KCNH2: variants seen among roughly 807,000 people sequenced by gnomAD.
The protein encoded by KCNH2 is voltage-gated inwardly rectifying potassium channel KCNH2.
In KCNH2, 35 loss-of-function variants were observed where a neutral mutation model predicts 95.9. The ratio of observed to expected loss-of-function variants is 0.37; its 90% confidence interval spans 0.28 to 0.48. KCNH2 has a LOEUF of 0.48. Ranked by LOEUF, KCNH2 falls within the 20% of genes least tolerant of loss-of-function variation. The pLI is 0.99. For synonymous variants in KCNH2, 786 were observed against 754.7 expected, an observed-to-expected ratio of 1.04 and a Z score of -0.68; for missense variants, 1,274 against 1,702.9, an observed-to-expected ratio of 0.75 and a Z score of 4.43.
chr7:150,964,138 T>A (rs908281402), intron 2 of KCNH2, among the ~76,000 whole-genome samples: 1 of 152,144 alleles, frequency 6.6e-6, no homozygotes, highest in African/African-American at 2.4e-5. Context: ...ATCTCCCATG[T>A]CAGCACCAGG....
chr7:150,950,220 G>A lies in KCNH2; in HGVS notation c.2346C>T (p.Ile782=). The A allele has an allele frequency of 2.5e-6, 4 of 1,613,068 alleles. No individual in the cohort carries two copies. Among genetic ancestry groups the A allele is most frequent in the South Asian group, 2.2e-5 (2 of 91,018 alleles). ...AGDLLTALYF[I]SRGSIEILRG... The stretch of plus-strand genomic sequence containing the variant: ...GCAGGATCTCGATGGAGCCCCGGGA[G>A]ATGAAGTACAGGGCGGTGAGCAGGT... Residue 782 remains isoleucine, a synonymous_variant, in exon 9 of 15, where the codon ATC becomes ATT. Transcript: ENST00000262186.
intron 4 of KCNH2, 136 bp from the exon 5 acceptor site, chr7:150,957,638 A>G (rs1801421727): frequency 2.8e-6 from 2 of 720,920 alleles, no homozygotes; most frequent in Admixed American, 4.0e-5. Flanking sequence ...CAGGGGAGTC[A>G]CAAGAAACAA....
At chr7:150,966,771 C>T (rs1006541559) in intron 2 of KCNH2, among the ~76,000 whole-genome samples, 2 of 152,188 alleles carry the variant, frequency 1.3e-5, no homozygotes, top group African/African-American at 4.8e-5. Flanking sequence ...CACAAGAACC[C>T]TGTTGGAGTC....
At position 150,946,747 on chromosome 7, in the gene KCNH2, G is replaced by A. The variant is rs926461146; in HGVS notation, c.3330+130C>T. 25 of 837,596 alleles carry A rather than the reference G, an allele frequency of 3.0e-5. No homozygotes were observed. Among genetic ancestry groups the A allele is most frequent in the Non-Finnish European group, 3.9e-5 (21 of 534,496 alleles). The allele number at this position is 837,596 out of a possible 1,614,324, so 51.9% of individuals were successfully genotyped here. A position where few individuals can be genotyped will look rare whatever the true frequency, so the allele number is the denominator to read the frequency against. On this transcript the variant is annotated intron_variant, in intron 14 of 14. Transcript: ENST00000262186. The surrounding 1 kb of genome is among the most constrained non-coding windows in gnomAD (Gnocchi z 6.5). ...CCTTCCTCCAGGAGGACAGGGGTGGGAGGAGGGCAGGAACAAGGTTCAGGG... is the reference window on the plus strand; with the variant it reads ...CCTTCCTCCAGGAGGACAGGGGTGGAAGGAGGGCAGGAACAAGGTTCAGGG...
intron 9 of KCNH2, 111 bp downstream of exon 9, chr7:150,950,057 C>T (rs1221008712): frequency 6.2e-7 from 1 of 1,611,424 alleles, no homozygotes; most frequent in Non-Finnish European, 8.5e-7. Flanking sequence ...GCCCAGTGAC[C>T]CTGCAGGCAG....
intron 5 of KCNH2, chr7:150,955,557 C>A: frequency 6.7e-7 from 1 of 1,502,142 alleles, no homozygotes. Context: ...GGCCCGGCCA[C>A]TGCCTCACCT....
rs548823407 is a variant in KCNH2 at position 150,957,659 on chromosome 7, A to T, written c.917-157T>A. Among the ~76,000 whole-genome samples the T allele has an allele frequency of 4.1e-4, 63 of 152,208 alleles. 3 individuals are homozygous for T. The South Asian group carries it at 0.012, about 29-fold the overall frequency. On this transcript the variant is annotated intron_variant, in intron 4 of 14. Coordinates refer to ENST00000262186, the MANE Select transcript of KCNH2 (RefSeq NM_000238.4). ...AGTCACAAGAAACAAGAGAGGTCAGACCCCTGTCCCACTCTAAGGAAGCAG... is the reference window on the plus strand; with the variant it reads ...AGTCACAAGAAACAAGAGAGGTCAGTCCCCTGTCCCACTCTAAGGAAGCAG...
intron 5 of KCNH2, among the ~76,000 whole-genome samples, chr7:150,954,701 G>A (rs1398355414): frequency 6.6e-6 from 1 of 152,164 alleles, no homozygotes; most frequent in Admixed American, 6.5e-5. Flanking sequence ...TGGGGTGGTG[G>A]GGGCAGGGAT....
At chr7:150,956,156 G>A (rs894312827) in intron 5 of KCNH2, among the ~76,000 whole-genome samples, 5 of 152,224 alleles carry the variant, frequency 3.3e-5, no homozygotes, top group East Asian at 1.9e-4. Context: ...CGCAACTCAC[G>A]GGCACATGCA....
In KCNH2 at chr7:150,952,871, G is replaced by C. The variant is rs78794789; in HGVS notation, c.1129-18C>G. The C allele has an allele frequency of 6.2e-7, 1 of 1,610,558 alleles. No individual in the cohort carries two copies. The highest frequency in any genetic ancestry group is 8.5e-7 in the Non-Finnish European group (1 of 1,179,748). ...GACAGGACCTGCACCCGGGGAAGGC[G>C]GAGGTGTGGGTGAGGCAGGCCATGG... On this transcript the variant is annotated intron_variant, in intron 5 of 14. Transcript: ENST00000262186. This position sits in a 1 kb window ranked among gnomAD's most constrained non-coding sequence, Gnocchi z 7.3.
rs1009804773 is a variant in KCNH2, at chr7:150,947,215, G to T, written c.3152+113C>A. ...CCCAGCTGGGCTAGGAATGGAAGAAGGGGATCCAGCTGCTGCACACACAGA... is the reference window on the plus strand; with the variant it reads ...CCCAGCTGGGCTAGGAATGGAAGAATGGGATCCAGCTGCTGCACACACAGA... On this transcript the variant is annotated intron_variant, in intron 13 of 14. Transcript: ENST00000262186. 14 of 1,152,664 alleles carry T rather than the reference G, an allele frequency of 1.2e-5. No individual in the cohort carries two copies. The East Asian group carries it at 3.1e-4, about 26-fold the overall frequency. The allele number at this position is 1,152,664 out of a possible 1,614,324, so 71.4% of individuals were successfully genotyped here.
intron 5 of KCNH2, chr7:150,955,693 T>TAAGCGTGGGCAGC (rs1801347384): frequency 1.5e-6 from 2 of 1,364,092 alleles, no homozygotes; most frequent in African/African-American, 3.0e-5. Flanking sequence ...ACCCTGGCAG[T>TAAGCGTGGGCAGC]AAGCGTGGGC....
chr7:150,973,441 CTGAGA>C (rs1801890411), intron 2 of KCNH2, among the ~76,000 whole-genome samples: 1 of 152,190 alleles, frequency 6.6e-6, no homozygotes, highest in Admixed American at 6.5e-5. Flanking sequence ...TGAAGAGTGC[CTGAGA>C]TAAGAGAAGT....
chr7:150,975,562 G>C (rs1204840700), intron 1 of KCNH2, among the ~76,000 whole-genome samples: 1 of 152,168 alleles, frequency 6.6e-6, no homozygotes, highest in Non-Finnish European at 1.5e-5. Flanking sequence ...GAGGATGAGG[G>C]AAGTTACACG....
chr7:150,949,960 G>A, intron 9 of KCNH2: 2 of 1,543,196 alleles, frequency 1.3e-6, no homozygotes, highest in Non-Finnish European at 1.8e-6. Context: ...GAGAATGTGG[G>A]AACCCCAGAG....
Position 150,957,480 on chromosome 7 carries a change from G to A in KCNH2, c.939C>T (p.Ser313=), listed in dbSNP as rs778439539. The A allele has an allele frequency of 6.2e-6, 10 of 1,613,678 alleles. No homozygotes were observed. The highest frequency in any genetic ancestry group is 4.4e-5 in the South Asian group (4 of 91,040). ...ASTGAMHPLR[S]GLLNSTSDSD... is the part of the protein sequence containing the mutation. ...AGTCCGAGGTGGAGTTGAGCAAGCC[G>A]CTGCGCAGTGGGTGCATGGCCCCTA... Residue 313 remains serine, a synonymous_variant, in exon 5 of 15, where the codon AGC becomes AGT. Transcript: ENST00000262186.
At chr7:150,975,064 G>T in intron 1 of KCNH2, 123 bp from the exon 2 acceptor site, 2 of 730,144 alleles carry the variant, frequency 2.7e-6, no homozygotes, top group South Asian at 1.8e-5. Flanking sequence ...AAGCATGGCT[G>T]GGACTGGGGT....
At chr7:150,969,309 A>C (rs1801779417) in intron 2 of KCNH2, among the ~76,000 whole-genome samples, 2 of 152,186 alleles carry the variant, frequency 1.3e-5, no homozygotes, top group Non-Finnish European at 2.9e-5. Context: ...GCGGTAAAGC[A>C]TGGTTCCCCA....
At chr7:150,953,219 T>C (rs936409640) in intron 5 of KCNH2, among the ~76,000 whole-genome samples, 1 of 152,146 alleles carries the variant, frequency 6.6e-6, no homozygotes, top group Middle Eastern at 3.4e-3. Context: ...CACGCCATAG[T>C]CTCAGACCGG....
Sources: allele counts gnomAD v4.1 joint callset (sites outside exome capture counted in the v4.1 genomes callset), GRCh38; gene constraint gnomAD v4.1.1; non-coding constraint Gnocchi (gnomAD v3.1); transcripts MANE v1.5; gene names NCBI Gene and HGNC (gene_info 2026-07-23, HGNC 2026-07-21).